The following EXOC6B variants were observed in gnomAD, a reference collection of about 807,000 sequenced individuals.
EXOC6B encodes the protein exocyst complex component 6B, also known as SEC15 homolog B.
A neutral mutation model predicts 113.5 loss-of-function variants in EXOC6B; 54 were observed. That is an observed-to-expected ratio of 0.48 (90% CI 0.38 to 0.60). The LOEUF (loss-of-function observed/expected upper bound fraction) is 0.60, where lower values mean the gene tolerates loss of function less well. EXOC6B is among the 20% of genes least tolerant of loss of function. The pLI, the probability that EXOC6B is intolerant of heterozygous loss-of-function variation, is 0.00. For synonymous variants in EXOC6B, 357 were observed against 339.0 expected (o/e 1.05, Z -0.58); for missense variants, 797 against 977.5 (o/e 0.82, Z 2.46).
chr2:72,312,298 A>G (rs1339539796), intron 20 of EXOC6B, among the ~76,000 whole-genome samples: 1 of 150,418 alleles, frequency 6.6e-6, no homozygotes, highest in Non-Finnish European at 1.5e-5. Flanking sequence ...CCCTGTTGTC[A>G]ATACTTTTTT....
At chr2:72,287,347 C>T (rs1260991385) in intron 20 of EXOC6B, among the ~76,000 whole-genome samples, 2 of 150,778 alleles carry the variant, frequency 1.3e-5, no homozygotes, top group African/African-American at 2.4e-5. Context: ...AGGAGAATGG[C>T]GTGAACCCGG....
intron 6 of EXOC6B, among the ~76,000 whole-genome samples, chr2:72,630,184 C>T (rs1672302150): frequency 6.6e-6 from 1 of 152,138 alleles, no homozygotes; most frequent in African/African-American, 2.4e-5. Context: ...CTAATTCCAT[C>T]ATGCCTCATA....
chr2:72,795,839 G>A (rs1013922437), intron 1 of EXOC6B, among the ~76,000 whole-genome samples: 3 of 151,828 alleles, frequency 2.0e-5, no homozygotes, highest in Non-Finnish European at 2.9e-5. Flanking sequence ...GTGTGTGTTC[G>A]TTTTTGAGAC....
intron 20 of EXOC6B, among the ~76,000 whole-genome samples, chr2:72,308,217 G>A (rs988574220): frequency 2.0e-5 from 3 of 152,116 alleles, no homozygotes; most frequent in Non-Finnish European, 2.9e-5. Flanking sequence ...ATGCCCATGT[G>A]TCCACTGCAT....
chr2:72,372,445 A>T (rs944639047), intron 19 of EXOC6B, among the ~76,000 whole-genome samples: 4 of 152,358 alleles, frequency 2.6e-5, no homozygotes, highest in Admixed American at 2.6e-4. Context: ...TAATAACAAC[A>T]GCATGGTACT....
chr2:72,481,542 G>A (rs1440558253), intron 16 of EXOC6B, among the ~76,000 whole-genome samples: 1 of 152,202 alleles, frequency 6.6e-6, no homozygotes, highest in Non-Finnish European at 1.5e-5. Context: ...GATGAACAGA[G>A]ATGTTAGGAG....
At chr2:72,370,724 A>T (rs548775120) in intron 19 of EXOC6B, among the ~76,000 whole-genome samples, 1 of 152,268 alleles carries the variant, frequency 6.6e-6, no homozygotes, top group East Asian at 1.9e-4. Flanking sequence ...GACATGGATG[A>T]AGCTGGAAAC....
At chr2:72,662,550 G>T (rs184540168) in intron 6 of EXOC6B, among the ~76,000 whole-genome samples, 1 of 152,066 alleles carries the variant, frequency 6.6e-6, no homozygotes, top group Non-Finnish European at 1.5e-5. Flanking sequence ...AAATAAATAC[G>T]ATGAAAAGAT....
intron 7 of EXOC6B, among the ~76,000 whole-genome samples, chr2:72,568,321 A>T (rs980554087): frequency 1.3e-5 from 2 of 152,074 alleles, no homozygotes; most frequent in Non-Finnish European, 2.9e-5. Context: ...ACATTATTGG[A>T]ACAACTAGAG....
intron 2 of EXOC6B, among the ~76,000 whole-genome samples, chr2:72,737,967 T>C (rs1038061495): frequency 7.9e-5 from 12 of 152,176 alleles, no homozygotes; most frequent in African/African-American, 2.4e-4. Context: ...ATATTTGTAA[T>C]ATATCCTAAT....
At chr2:72,383,424 T>A (rs977235811) in intron 18 of EXOC6B, among the ~76,000 whole-genome samples, 1 of 151,524 alleles carries the variant, frequency 6.6e-6, no homozygotes, top group Non-Finnish European at 1.5e-5. Flanking sequence ...ATTAGAGAAA[T>A]GCAAATCAAA....
intron 18 of EXOC6B, among the ~76,000 whole-genome samples, chr2:72,407,092 T>C (rs536531966): frequency 7.2e-5 from 11 of 152,304 alleles, no homozygotes; most frequent in Admixed American, 3.9e-4. Context: ...AACACCTCTA[T>C]GCAGATAAAC....
chr2:72,756,981 A>G (rs1204234409), intron 1 of EXOC6B, among the ~76,000 whole-genome samples: 1 of 152,254 alleles, frequency 6.6e-6, no homozygotes, highest in African/African-American at 2.4e-5. Flanking sequence ...AATCAAGGAC[A>G]GAAAGAAAAC....
At chr2:72,393,493 C>T (rs1692521256) in intron 18 of EXOC6B, among the ~76,000 whole-genome samples, 1 of 152,058 alleles carries the variant, frequency 6.6e-6, no homozygotes, top group Non-Finnish European at 1.5e-5. Context: ...ACATTGATCC[C>T]TTCTTTCACT....
At chr2:72,356,938 G>A (rs759055918) in intron 19 of EXOC6B, among the ~76,000 whole-genome samples, 1 of 152,144 alleles carries the variant, frequency 6.6e-6, no homozygotes, top group Non-Finnish European at 1.5e-5. Context: ...CGGCCACTAA[G>A]TGACCAACGA....
intron 6 of EXOC6B, among the ~76,000 whole-genome samples, chr2:72,706,606 T>C (rs1321606895): frequency 1.3e-5 from 2 of 152,132 alleles, no homozygotes; most frequent in African/African-American, 4.8e-5. Flanking sequence ...TTTATTTCTT[T>C]TGGGTAACTA....
intron 1 of EXOC6B, among the ~76,000 whole-genome samples, chr2:72,780,035 A>G (rs1683932808): frequency 6.6e-6 from 1 of 152,218 alleles, no homozygotes; most frequent in Admixed American, 6.5e-5. Context: ...GATGCTTGGT[A>G]TAACTTAAAC....
chr2:72,519,437 A>C (rs1287590479), intron 8 of EXOC6B, among the ~76,000 whole-genome samples: 1 of 152,168 alleles, frequency 6.6e-6, no homozygotes, highest in Non-Finnish European at 1.5e-5. Context: ...TTACAGTGAA[A>C]ACCAACATGG....
chr2:72,791,172 G>A (rs1684654244), intron 1 of EXOC6B, among the ~76,000 whole-genome samples: 2 of 152,098 alleles, frequency 1.3e-5, no homozygotes, highest in Non-Finnish European at 2.9e-5. Context: ...GAGATGATGG[G>A]TATGCTAATT....
Sources: gnomAD v4.1 joint callset for allele counts (sites outside exome capture counted in the v4.1 genomes callset) on GRCh38, gnomAD v4.1.1 for gene constraint, MANE v1.5 for transcripts, NCBI Gene and HGNC (gene_info 2026-07-23, HGNC 2026-07-21) for gene names.